The following BMPR1A variants were observed in gnomAD, a reference collection of about 807,000 sequenced individuals.
The protein encoded by BMPR1A is bone morphogenetic protein receptor type-1A.
BMPR1A carries 7 observed loss-of-function variants against 66.0 expected under a neutral mutation model. The ratio of observed to expected loss-of-function variants is 0.11; its 90% confidence interval spans 0.06 to 0.20. BMPR1A has a LOEUF of 0.20. Among genes scored for constraint, BMPR1A ranks in the 10% least tolerant of loss-of-function variants. BMPR1A has a pLI of 1.00. For missense variants in BMPR1A, 408 were observed against 669.1 expected (o/e 0.61, Z 4.31); for synonymous variants, 200 against 229.7 (o/e 0.87, Z 1.17).
At chr10:86,881,159 T>G (rs1842980685) in intron 3 of BMPR1A, among the ~76,000 whole-genome samples, 2 of 152,132 alleles carry the variant, frequency 1.3e-5, no homozygotes, top group African/African-American at 4.8e-5. Context: ...GAGAATCACT[T>G]GAGCCCGGGA....
intron 2 of BMPR1A, among the ~76,000 whole-genome samples, chr10:86,866,630 G>A (rs1332511748): frequency 2.0e-5 from 3 of 150,990 alleles, no homozygotes; most frequent in African/African-American, 7.3e-5. Flanking sequence ...GGCTGGTCTC[G>A]AACGCCTGAC....
intron 1 of BMPR1A, among the ~76,000 whole-genome samples, chr10:86,788,730 C>G (rs1841553606): frequency 6.6e-6 from 1 of 152,152 alleles, no homozygotes; most frequent in Non-Finnish European, 1.5e-5. Flanking sequence ...GCTTCAGCCT[C>G]CTGAGTAGCT....
intron 1 of BMPR1A, among the ~76,000 whole-genome samples, chr10:86,766,135 T>A (rs1356189562): frequency 6.6e-6 from 1 of 151,916 alleles, no homozygotes; most frequent in African/African-American, 2.4e-5. Context: ...CAGAGGTGCA[T>A]GCTACCATGC....
intron 1 of BMPR1A, among the ~76,000 whole-genome samples, chr10:86,799,742 G>A (rs567808257): frequency 2.2e-4 from 34 of 151,968 alleles, no homozygotes; most frequent in African/African-American, 8.0e-4. Context: ...GTAGAGATGG[G>A]GCTTCACTTG....
intron 1 of BMPR1A, among the ~76,000 whole-genome samples, chr10:86,809,595 CTT>C (rs71019431): frequency 8.1e-6 from 1 of 123,892 alleles, no homozygotes; most frequent in Non-Finnish European, 1.6e-5. Flanking sequence ...CACCCGACCT[CTT>C]TTTTTTTTTT....
chr10:86,869,173 G>A (rs1007467240), intron 2 of BMPR1A, among the ~76,000 whole-genome samples: 4 of 152,080 alleles, frequency 2.6e-5, no homozygotes, highest in African/African-American at 9.7e-5. Flanking sequence ...AAGAATGATT[G>A]TGGCCAGGCA....
intron 1 of BMPR1A, among the ~76,000 whole-genome samples, chr10:86,806,825 C>CGTAAT (rs1841894809): frequency 6.6e-6 from 1 of 152,098 alleles, no homozygotes; most frequent in Non-Finnish European, 1.5e-5. Flanking sequence ...CCTGGGATTA[C>CGTAAT]AGGCATGAGC....
intron 1 of BMPR1A, among the ~76,000 whole-genome samples, chr10:86,796,179 T>C (rs1841707339): frequency 6.6e-6 from 1 of 152,170 alleles, no homozygotes; most frequent in East Asian, 1.9e-4. Context: ...TGGTTTTAGT[T>C]AGAATATATG....
intron 1 of BMPR1A, among the ~76,000 whole-genome samples, chr10:86,804,792 G>GTTTTTTTTTTTTTTTTTTTT (rs5786747): frequency 2.6e-4 from 15 of 57,258 alleles, no homozygotes; most frequent in South Asian, 7.3e-4. Flanking sequence ...GTTTGTAGGT[G>GTTTTTTTTTTTTTTTTTTTT]TTTTTTTTTT....
chr10:86,869,616 G>T (rs1312338226), intron 2 of BMPR1A, among the ~76,000 whole-genome samples: 1 of 152,104 alleles, frequency 6.6e-6, no homozygotes, highest in African/African-American at 2.4e-5. Flanking sequence ...AATTAGCTGG[G>T]CGTGATGGCG....
At chr10:86,894,075 A>G (rs78313611) in intron 5 of BMPR1A, among the ~76,000 whole-genome samples, 8,236 of 152,314 alleles carry the variant, frequency 0.054, 296 homozygotes, top group South Asian at 0.11. Context: ...TTCAGTCTCC[A>G]CTTCCTCAGT....
At chr10:86,862,602 AG>A (rs1488240456) in intron 2 of BMPR1A, among the ~76,000 whole-genome samples, 1 of 152,124 alleles carries the variant, frequency 6.6e-6, no homozygotes, top group Non-Finnish European at 1.5e-5. Flanking sequence ...ATCCAGGCAA[AG>A]GGGTTAGTGG....
At chr10:86,796,854 C>A (rs1012415830) in intron 1 of BMPR1A, among the ~76,000 whole-genome samples, 2 of 151,674 alleles carry the variant, frequency 1.3e-5, no homozygotes, top group Non-Finnish European at 2.9e-5. Context: ...AAGGTACAGC[C>A]AATAAAAGTT....
rs1264708485 is a variant in BMPR1A at position 86,925,482 on chromosome 10, GATTA to G, written c.*1766_*1769del. ...ATTTGAAAATTGCCTTAACCATTTT[GATTA>G]ATAAGTTTCATCTGCCATAATTAAA... On this transcript the variant is annotated 3_prime_UTR_variant, in exon 13 of 13. Coordinates refer to ENST00000372037, the MANE Select transcript of BMPR1A (RefSeq NM_004329.3). 1 of 209,884 alleles carries G rather than the reference GATTA, an allele frequency of 4.8e-6. No individual in the cohort carries two copies. The highest frequency in any genetic ancestry group is 5.9e-5 in the Admixed American group (1 of 17,030). 13.0% of individuals were successfully genotyped at this position (209,884 alleles called of 1,614,324 possible). A position where few individuals can be genotyped will look rare whatever the true frequency, so the allele number is the denominator to read the frequency against.
chr10:86,774,119 G>C, intron 1 of BMPR1A, among the ~76,000 whole-genome samples: 1 of 151,870 alleles, frequency 6.6e-6, no homozygotes, highest in African/African-American at 2.4e-5. Flanking sequence ...GAAAGTGCTG[G>C]GATTACAAGC....
intron 1 of BMPR1A, among the ~76,000 whole-genome samples, chr10:86,835,596 T>G (rs1485380461): frequency 2.5e-5 from 3 of 121,916 alleles, no homozygotes; most frequent in African/African-American, 8.8e-5. Context: ...AAAGGTGTTT[T>G]GGCCTAGATT....
At chr10:86,800,893 G>T (rs1841802921) in intron 1 of BMPR1A, among the ~76,000 whole-genome samples, 1 of 152,204 alleles carries the variant, frequency 6.6e-6, no homozygotes, top group Non-Finnish European at 1.5e-5. Flanking sequence ...ATTTTAAAGT[G>T]AGAATAAAAT....
intron 2 of BMPR1A, among the ~76,000 whole-genome samples, chr10:86,848,735 A>G (rs966961604): frequency 3.9e-5 from 6 of 152,166 alleles, no homozygotes; most frequent in African/African-American, 1.4e-4. Flanking sequence ...TCCCAGCCTT[A>G]GTTAGAGCTG....
chr10:86,854,191 C>T (rs900204053), intron 2 of BMPR1A, among the ~76,000 whole-genome samples: 16 of 152,206 alleles, frequency 1.1e-4, no homozygotes, highest in African/African-American at 3.6e-4. Context: ...CTCTGTTCCG[C>T]CCGGCTCACC....
Sources: gnomAD v4.1 joint callset for allele counts (sites outside exome capture counted in the v4.1 genomes callset) on GRCh38, gnomAD v4.1.1 for gene constraint, MANE v1.5 for transcripts, NCBI Gene and HGNC (gene_info 2026-07-23, HGNC 2026-07-21) for gene names.